Variants in NUP210L observed in about 807,000 individuals in gnomAD.
The protein encoded by NUP210L is nucleoporin 210 like.
NUP210L carries 74 observed loss-of-function variants against 208.5 expected under a neutral mutation model. The observed-to-expected ratio is 0.35, with a 90% confidence interval of 0.29 to 0.43. NUP210L has a LOEUF of 0.43. Ranked by LOEUF, NUP210L falls within the 20% of genes least tolerant of loss-of-function variation. The pLI is 1.00. For missense variants in NUP210L, 1,843 were observed against 2,289.4 expected, an observed-to-expected ratio of 0.81 and a Z score of 3.98; for synonymous variants, 780 against 816.9, an observed-to-expected ratio of 0.95 and a Z score of 0.77.
chr1:154,089,491 G>C lies in NUP210L; in HGVS notation c.2291C>G (p.Ser764Ter), dbSNP rs199580130. 1.1e-5 allele frequency: 17 copies of C among 1,614,006 alleles called. No individual in the cohort carries two copies. Among genetic ancestry groups the C allele is most frequent in the Admixed American group, 1.7e-5 (1 of 59,980 alleles). ...TGGCACCTTGTATACTGGAGTTACT[G>C]ACATACTGGCAGGGTGGGCACAAAT... The change falls in exon 16 of 40, where the codon TCA (serine) becomes TGA (stop). Residue 764 changes from serine to a stop codon, truncating the protein, a stop_gained. Coordinates refer to ENST00000368559, the Ensembl canonical transcript of NUP210L. LOFTEE classifies it high-confidence loss of function.
intron 10 of NUP210L, among the ~76,000 whole-genome samples, chr1:154,119,248 C>T (rs571349233): frequency 1.3e-5 from 2 of 152,192 alleles, no homozygotes; most frequent in East Asian, 3.9e-4. Context: ...TACTTAAAAA[C>T]AAGCAGAACC....
intron 37 of NUP210L, among the ~76,000 whole-genome samples, chr1:153,998,317 G>A (rs1009295536): frequency 5.9e-5 from 9 of 152,096 alleles, no homozygotes; most frequent in Admixed American, 2.6e-4. Flanking sequence ...CATTTTGGGA[G>A]GCCAAGGTGG....
At chr1:154,035,242 T>C (rs920671799) in intron 27 of NUP210L, among the ~76,000 whole-genome samples, 6 of 152,162 alleles carry the variant, frequency 3.9e-5, no homozygotes, top group African/African-American at 1.4e-4. Context: ...AAAAATGACT[T>C]TTTGTTTTGT....
At chr1:154,114,162 G>T (rs972197342) in intron 12 of NUP210L, among the ~76,000 whole-genome samples, 6 of 151,254 alleles carry the variant, frequency 4.0e-5, no homozygotes, top group African/African-American at 1.5e-4. Context: ...AAAAAAATTT[G>T]CCAGGCGTAG....
chr1:154,102,763 T>C, intron 13 of NUP210L, among the ~76,000 whole-genome samples: 1 of 152,194 alleles, frequency 6.6e-6, no homozygotes, highest in East Asian at 1.9e-4. Context: ...GTTATTCATA[T>C]TTTCTGTTTT....
At chr1:154,053,288 G>T (rs1653627735) in intron 25 of NUP210L, among the ~76,000 whole-genome samples, 1 of 152,228 alleles carries the variant, frequency 6.6e-6, no homozygotes, top group South Asian at 2.1e-4. Context: ...TTTCGATGAT[G>T]ATTGTGCTTT....
At chr1:154,084,978 G>A (rs1655544834) in intron 16 of NUP210L, among the ~76,000 whole-genome samples, 2 of 147,662 alleles carry the variant, frequency 1.4e-5, no homozygotes, top group African/African-American at 4.9e-5. Flanking sequence ...TTGAACTCCT[G>A]ACCTTAGATG....
At chr1:154,061,660 T>G in exon 18 of NUP210L, 1 of 1,601,192 alleles carries the variant, frequency 6.2e-7, no homozygotes. Flanking sequence ...TGATGTACTT[T>G]AAGGATCTGA....
intron 13 of NUP210L, among the ~76,000 whole-genome samples, chr1:154,101,514 C>A (rs1272594164): frequency 6.6e-6 from 1 of 152,130 alleles, no homozygotes; most frequent in Non-Finnish European, 1.5e-5. Context: ...TGATCTCTTA[C>A]ATTAACAATT....
chr1:154,028,255 T>C (rs1652010402), intron 28 of NUP210L, among the ~76,000 whole-genome samples: 1 of 152,202 alleles, frequency 6.6e-6, no homozygotes, highest in African/African-American at 2.4e-5. Flanking sequence ...TATCAAAAGT[T>C]AGAATTATGT....
intron 20 of NUP210L, among the ~76,000 whole-genome samples, chr1:154,059,301 C>T (rs192046787): frequency 6.3e-4 from 94 of 149,704 alleles, no homozygotes; most frequent in African/African-American, 2.0e-3. Flanking sequence ...TGCCACTGCA[C>T]TTCAGCCTGG....
chr1:154,069,680 A>G (rs1654603512), intron 17 of NUP210L, among the ~76,000 whole-genome samples: 1 of 152,210 alleles, frequency 6.6e-6, no homozygotes, highest in African/African-American at 2.4e-5. Flanking sequence ...ATACCATTTG[A>G]CCCAGCCATC....
chr1:154,000,913 G>C (rs769559025), exon 37 of NUP210L: 1 of 1,614,120 alleles, frequency 6.2e-7, no homozygotes, highest in South Asian at 1.1e-5. Flanking sequence ...TGACTGGTGA[G>C]TACACAGGAA....
At chr1:154,101,030 G>T (rs1282026452) in intron 13 of NUP210L, among the ~76,000 whole-genome samples, 1 of 151,574 alleles carries the variant, frequency 6.6e-6, no homozygotes, top group Non-Finnish European at 1.5e-5. Flanking sequence ...AAATTAGCCA[G>T]GTGTGGCGGT....
At chr1:154,074,336 G>A (rs1014268468) in intron 16 of NUP210L, among the ~76,000 whole-genome samples, 1 of 151,938 alleles carries the variant, frequency 6.6e-6, no homozygotes, top group African/African-American at 2.4e-5. Context: ...TTTTATATAA[G>A]CTGGTATTTT....
At chr1:154,113,259 TTA>T (rs771773773) in intron 12 of NUP210L, among the ~76,000 whole-genome samples, 47 of 147,414 alleles carry the variant, frequency 3.2e-4, no homozygotes, top group East Asian at 2.3e-3. Flanking sequence ...TATAAATACA[TTA>T]TATATATATA....
chr1:154,030,440 G>A (rs1428976389), intron 27 of NUP210L, among the ~76,000 whole-genome samples: 1 of 151,576 alleles, frequency 6.6e-6, no homozygotes, highest in African/African-American at 2.4e-5. Flanking sequence ...TGGGACTACA[G>A]GGGCACACCA....
At chr1:153,993,352 G>A (rs1001933704) in intron 38 of NUP210L, among the ~76,000 whole-genome samples, 3 of 151,254 alleles carry the variant, frequency 2.0e-5, no homozygotes, top group Non-Finnish European at 4.4e-5. Flanking sequence ...GGATCACGAG[G>A]TCAGGAGATT....
At chr1:154,001,378 A>G (rs180909263) in intron 36 of NUP210L, among the ~76,000 whole-genome samples, 33 of 152,218 alleles carry the variant, frequency 2.2e-4, no homozygotes, top group Non-Finnish European at 4.6e-4. Context: ...TTGTACTTTT[A>G]GTAGAGAAGA....
Sources: allele counts gnomAD v4.1 joint callset (sites outside exome capture counted in the v4.1 genomes callset), GRCh38; gene constraint gnomAD v4.1.1; transcripts MANE v1.5; gene names NCBI Gene and HGNC (gene_info 2026-07-23, HGNC 2026-07-21).